Variants in MAF observed in about 807,000 individuals in gnomAD.
The protein encoded by MAF is MAF bZIP transcription factor.
A neutral mutation model predicts 22.0 loss-of-function variants in MAF; 10 were observed. The ratio of observed to expected loss-of-function variants is 0.45; its 90% CI spans 0.28 to 0.77. The LOEUF is 0.77. MAF is among the 30% of genes least tolerant of loss of function. MAF has a pLI of 0.12. For synonymous variants in MAF, 337 were observed against 255.8 expected (o/e 1.32, Z -3.03); for missense variants, 544 against 548.4 (o/e 0.99, Z 0.08).
the MAF span, among the ~76,000 whole-genome samples, chr16:79,508,235 G>T: frequency 2.6e-5 from 4 of 152,198 alleles, no homozygotes. Flanking sequence ...CACCCAGGGA[G>T]GCCGCGTGGT....
chr16:79,418,697 C>T, the MAF span, among the ~76,000 whole-genome samples: 1 of 152,232 alleles, frequency 6.6e-6, no homozygotes, highest in East Asian at 1.9e-4. Context: ...AACATGATCC[C>T]CGGGCGCCTA....
At chr16:79,567,089 G>A in the MAF span, among the ~76,000 whole-genome samples, 4 of 152,342 alleles carry the variant, frequency 2.6e-5, no homozygotes, top group East Asian at 7.7e-4. Flanking sequence ...GGAGGCTAAG[G>A]CAGGCAGATC....
chr16:79,216,229 CTATA>C, the MAF span, among the ~76,000 whole-genome samples: 1 of 152,150 alleles, frequency 6.6e-6, no homozygotes, highest in African/African-American at 2.4e-5. Context: ...ATGTGCACAT[CTATA>C]TGTGTATATG....
At chr16:79,352,775 T>C in the MAF span, among the ~76,000 whole-genome samples, 37 of 152,106 alleles carry the variant, frequency 2.4e-4, 1 homozygote, top group African/African-American at 8.9e-4. Flanking sequence ...GTAGTGAATA[T>C]TATAGGATGT....
chr16:79,469,173 G>T, the MAF span, among the ~76,000 whole-genome samples: 2 of 152,136 alleles, frequency 1.3e-5, no homozygotes, highest in African/African-American at 2.4e-5. Context: ...TGTAAATACA[G>T]TTTTATTGGA....
chr16:79,289,353 G>C, the MAF span, among the ~76,000 whole-genome samples: 10 of 152,090 alleles, frequency 6.6e-5, no homozygotes, highest in Non-Finnish European at 1.5e-4. Flanking sequence ...GGTTAAATTG[G>C]TGGGTCTCAG....
At chr16:79,263,220 T>C in the MAF span, among the ~76,000 whole-genome samples, 11 of 152,312 alleles carry the variant, frequency 7.2e-5, no homozygotes, top group South Asian at 1.4e-3. Context: ...AAACGCATCA[T>C]TGCATCCAAG....
the MAF span, among the ~76,000 whole-genome samples, chr16:79,479,547 T>A: frequency 2.0e-5 from 3 of 152,196 alleles, no homozygotes; most frequent in Non-Finnish European, 4.4e-5. Flanking sequence ...TTGCAAGGGA[T>A]TGACTCCCTG....
chr16:79,598,601 T>TGTGTGC (rs1555529711), intron 1 of MAF, 184 bp downstream of exon 1: 484 of 1,483,938 alleles, frequency 3.3e-4, no homozygotes, highest in Non-Finnish European at 4.1e-4. Context: ...TGTGTGTGTG[T>TGTGTGC]GTGTGTGTGG....
chr16:79,420,993 C>T, the MAF span, among the ~76,000 whole-genome samples: 1 of 151,108 alleles, frequency 6.6e-6, no homozygotes, highest in African/African-American at 2.4e-5. Flanking sequence ...GAGATCGCAC[C>T]ACTTCACTCC....
At chr16:79,506,185 A>G in the MAF span, among the ~76,000 whole-genome samples, 1 of 152,168 alleles carries the variant, frequency 6.6e-6, no homozygotes, top group African/African-American at 2.4e-5. Flanking sequence ...AATCAACTGA[A>G]TATTTACTCT....
chr16:79,285,669 C>T, the MAF span, among the ~76,000 whole-genome samples: 1 of 152,166 alleles, frequency 6.6e-6, no homozygotes, highest in Non-Finnish European at 1.5e-5. Flanking sequence ...AGAAACCACC[C>T]TGAAATCCTG....
the MAF span, among the ~76,000 whole-genome samples, chr16:79,285,184 C>A: frequency 6.6e-6 from 1 of 152,130 alleles, no homozygotes; most frequent in East Asian, 1.9e-4. Context: ...GCTGCTCTCC[C>A]CAGCAGCTTT....
chr16:79,212,156 TACCACCACGGCC>T, the MAF span: 3 of 1,504,358 alleles, frequency 2.0e-6, no homozygotes, highest in Non-Finnish European at 2.7e-6. Context: ...CCCATCCAGC[TACCACCACGGCC>T]ACCACTGCAG....
At chr16:79,566,454 G>A in the MAF span, among the ~76,000 whole-genome samples, 1 of 152,206 alleles carries the variant, frequency 6.6e-6, no homozygotes, top group Non-Finnish European at 1.5e-5. Flanking sequence ...AGCTGACGGA[G>A]TGATGGTGCT....
chr16:79,517,786 G>A, the MAF span, among the ~76,000 whole-genome samples: 5 of 152,132 alleles, frequency 3.3e-5, no homozygotes, highest in East Asian at 9.7e-4. Context: ...TGTTGGCCAG[G>A]CTGGTCTCAA....
the MAF span, among the ~76,000 whole-genome samples, chr16:79,497,164 C>A: frequency 6.6e-6 from 1 of 152,216 alleles, no homozygotes; most frequent in Non-Finnish European, 1.5e-5. Flanking sequence ...CTCTCTTCTA[C>A]AAAGGAAGTT....
chr16:79,398,077 G>C, the MAF span, among the ~76,000 whole-genome samples: 1 of 152,200 alleles, frequency 6.6e-6, no homozygotes. Flanking sequence ...TGGAGGCTCT[G>C]GTGGGGAATG....
downstream of MAF, among the ~76,000 whole-genome samples, chr16:79,589,485 G>GAA (rs774982205): frequency 6.1e-5 from 9 of 148,128 alleles, no homozygotes; most frequent in Admixed American, 3.3e-4. Flanking sequence ...ACCGAAGCAG[G>GAA]AAAAAAAAAG....
Sources: allele counts gnomAD v4.1 joint callset (sites outside exome capture counted in the v4.1 genomes callset), GRCh38; gene constraint gnomAD v4.1.1; transcripts MANE v1.5; gene names NCBI Gene and HGNC (gene_info 2026-07-23, HGNC 2026-07-21).